CLCN4: variants seen among roughly 807,000 people sequenced by gnomAD.
The protein encoded by CLCN4 is H(+)/Cl(-) exchange transporter 4.
In CLCN4, 1 loss-of-function variant was observed where a neutral mutation model predicts 41.7. The ratio of observed to expected loss-of-function variants is 0.02; its 90% CI spans 0.01 to 0.11. CLCN4 has a LOEUF of 0.11. Among genes scored for constraint, CLCN4 ranks in the 10% least tolerant of loss-of-function variants. CLCN4 has a pLI of 1.00. For missense variants in CLCN4, 287 were observed against 661.0 expected (o/e 0.43, Z 6.20); for synonymous variants, 277 against 285.8 (o/e 0.97, Z 0.31).
intron 2 of CLCN4, among the ~76,000 whole-genome samples, chrX:10,184,292 A>G (rs946599605): frequency 3.7e-4 from 40 of 106,842 alleles, no homozygotes; most frequent in African/African-American, 1.3e-3. Flanking sequence ...CATATTTGCA[A>G]ATTTGCCTAC....
At chrX:10,180,238 A>G (rs1923639453) in intron 2 of CLCN4, among the ~76,000 whole-genome samples, 1 of 111,737 alleles carries the variant, frequency 8.9e-6, no homozygotes, top group African/African-American at 3.3e-5. Context: ...AGCCACAATA[A>G]TATCTCTGAC....
chrX:10,173,417 C>T (rs769146642), intron 2 of CLCN4, among the ~76,000 whole-genome samples: 3 of 110,977 alleles, frequency 2.7e-5, no homozygotes, highest in Non-Finnish European at 3.8e-5. Flanking sequence ...TGACTCTGGG[C>T]GGGGCCTGCT....
At chrX:10,179,696 G>A (rs1923623906) in intron 2 of CLCN4, among the ~76,000 whole-genome samples, 1 of 111,589 alleles carries the variant, frequency 9.0e-6, no homozygotes, top group Non-Finnish European at 1.9e-5. Context: ...CATGCAGGGG[G>A]ATAAGGAAGG....
At chrX:10,163,958 C>T (rs1352778525) in intron 2 of CLCN4, among the ~76,000 whole-genome samples, 1 of 112,660 alleles carries the variant, frequency 8.9e-6, no homozygotes, top group Non-Finnish European at 1.9e-5. Context: ...CAGTATTGCC[C>T]CCAGTTGGTT....
chrX:10,226,068 C>T (rs921708477), intron 12 of CLCN4, among the ~76,000 whole-genome samples: 1 of 111,534 alleles, frequency 9.0e-6, no homozygotes, highest in African/African-American at 3.3e-5. Context: ...GACTCTCCAC[C>T]TCAAAACAAC....
At chrX:10,222,356 G>A (rs973765968) in intron 12 of CLCN4, among the ~76,000 whole-genome samples, 1 of 111,750 alleles carries the variant, frequency 8.9e-6, no homozygotes, top group Admixed American at 9.5e-5. Context: ...ATTCCTTTAT[G>A]GGCTGGGAGT....
chrX:10,214,808 G>T (rs762032472), intron 11 of CLCN4, among the ~76,000 whole-genome samples: 1 of 111,776 alleles, frequency 8.9e-6, no homozygotes, highest in South Asian at 3.8e-4. Context: ...CAAGCCCATG[G>T]GCCCCATCAG....
At chrX:10,161,124 GCTCTCTCTCTCTCTCT>G (rs34687262) in intron 2 of CLCN4, among the ~76,000 whole-genome samples, 80 of 86,424 alleles carry the variant, frequency 9.3e-4, no homozygotes, top group Non-Finnish European at 1.6e-3. Context: ...CCATCAGCTT[GCTCTCTCTCTCTCTCT>G]CTCTCTCTCT....
At chrX:10,202,033 C>G (rs770111505) in intron 6 of CLCN4, among the ~76,000 whole-genome samples, 66 of 111,681 alleles carry the variant, frequency 5.9e-4, no homozygotes, top group Non-Finnish European at 1.1e-3. Flanking sequence ...AATAAATGCT[C>G]TCTATAAAAG....
At chrX:10,190,483 C>G (rs1287404447) in intron 4 of CLCN4, among the ~76,000 whole-genome samples, 1 of 111,194 alleles carries the variant, frequency 9.0e-6, no homozygotes, top group East Asian at 2.8e-4. Context: ...GTGGATAGTT[C>G]TAAATTTGAC....
At position 10,189,027 on chromosome X, in the gene CLCN4, G is replaced by A. The variant is rs1038513913; in HGVS notation, c.244+1413G>A. On this transcript the variant is annotated intron_variant, in intron 4 of 12. Coordinates refer to ENST00000380833, the MANE Select transcript of CLCN4 (RefSeq NM_001830.4). ...CATTTCCCGTCATGTACTGGCAGCA[G>A]CCAGGGCAGGAAATTAGACTTCATT... Among the ~76,000 whole-genome samples, 4 of 112,203 alleles carry A rather than the reference G, an allele frequency of 3.6e-5. No homozygotes were observed. The Admixed American group carries it at 3.8e-4, about 11-fold the overall frequency.
In CLCN4 at chrX:10,173,319, G is replaced by T. The variant is rs141207654; in HGVS notation, c.-11-11703G>T. 3.5e-3 allele frequency among the ~76,000 whole-genome samples: 394 copies of T among 111,524 alleles called. 2 individuals are homozygous for T. Among genetic ancestry groups the T allele is most frequent in the African/African-American group, 0.012 (363 of 30,702 alleles). ...GCATGGCTCATCCAAGTCGGAGTCA[G>T]ATCTCACCCGAGGCCGCACATTGGC... On this transcript the variant is annotated intron_variant, in intron 2 of 12. Transcript: ENST00000380833.
chrX:10,216,918 T>TATATAGACACACACAC (rs773265490), intron 11 of CLCN4, among the ~76,000 whole-genome samples: 1 of 38,931 alleles, frequency 2.6e-5, no homozygotes, highest in Non-Finnish European at 4.2e-5. Flanking sequence ...TATATATATA[T>TATATAGACACACACAC]ACACACACAC....
chrX:10,182,145 G>C (rs1438011368), intron 2 of CLCN4, among the ~76,000 whole-genome samples: 2 of 111,832 alleles, frequency 1.8e-5, no homozygotes, highest in African/African-American at 6.5e-5. Flanking sequence ...TCTCACTATT[G>C]GTACTGTCAT....
intron 6 of CLCN4, among the ~76,000 whole-genome samples, chrX:10,204,620 T>TTA (rs1785877051): frequency 1.6e-5 from 1 of 62,219 alleles, no homozygotes; most frequent in Non-Finnish European, 2.6e-5. Context: ...AGTCTTTTTT[T>TTA]TTTTTTTTTT....
chrX:10,173,346 G>A (rs980646962), intron 2 of CLCN4, among the ~76,000 whole-genome samples: 90 of 111,593 alleles, frequency 8.1e-4, no homozygotes, highest in Non-Finnish European at 2.1e-4. Context: ...CACATTGGCA[G>A]CACCTGGGGA....
intron 2 of CLCN4, among the ~76,000 whole-genome samples, chrX:10,175,878 CTCTCTCTCTCTT>C (rs1433716116): frequency 9.4e-6 from 1 of 106,044 alleles, no homozygotes; most frequent in Non-Finnish European, 1.9e-5. Context: ...CTCTCCCACC[CTCTCTCTCTCTT>C]TCTCTCTCTC....
intron 3 of CLCN4, among the ~76,000 whole-genome samples, chrX:10,186,127 A>AG (rs1923803353): frequency 9.0e-6 from 1 of 110,823 alleles, no homozygotes; most frequent in African/African-American, 3.3e-5. Flanking sequence ...AGAGGAAGCA[A>AG]GGGGGGACTG....
chrX:10,224,757 G>A (rs781611629), intron 12 of CLCN4, among the ~76,000 whole-genome samples: 9 of 111,170 alleles, frequency 8.1e-5, no homozygotes, highest in African/African-American at 2.9e-4. Flanking sequence ...CCACATCCAC[G>A]ACAGGCCCCA....
Sources: gnomAD v4.1 joint callset for allele counts (sites outside exome capture counted in the v4.1 genomes callset) on GRCh38, gnomAD v4.1.1 for gene constraint, MANE v1.5 for transcripts, NCBI Gene and HGNC (gene_info 2026-07-23, HGNC 2026-07-21) for gene names.